Variants in SLC5A8 observed in about 807,000 individuals in gnomAD.
SLC5A8 encodes sodium-coupled monocarboxylate transporter 1.
Under a neutral mutation model 71.9 loss-of-function variants are expected in SLC5A8, and 55 were observed. The ratio of observed to expected loss-of-function variants is 0.77; its 90% CI spans 0.62 to 0.96. The LOEUF is 0.96. Ranked by LOEUF, SLC5A8 falls within the 40% of genes least tolerant of loss-of-function variation. The pLI, the probability that SLC5A8 is intolerant of heterozygous loss-of-function variation, is 0.00. For synonymous variants in SLC5A8, 307 were observed against 276.1 expected (o/e 1.11, Z -1.11); for missense variants, 701 against 745.3 (o/e 0.94, Z 0.69).
At chr12:101,158,598 C>CTATA (rs139268658) in intron 13 of SLC5A8, among the ~76,000 whole-genome samples, 234 of 21,076 alleles carry the variant, frequency 0.011, 5 homozygotes, top group South Asian at 0.023. Flanking sequence ...CTCTCTCTCT[C>CTATA]TATATATATA....
intron 1 of SLC5A8, among the ~76,000 whole-genome samples, chr12:101,206,095 G>A (rs1869667722): frequency 6.6e-6 from 1 of 152,114 alleles, no homozygotes; most frequent in Admixed American, 6.5e-5. Context: ...CATTTTGCAG[G>A]GTTTGGAGAC....
At chr12:101,196,657 T>C (rs182961047) in intron 3 of SLC5A8, among the ~76,000 whole-genome samples, 164 of 152,276 alleles carry the variant, frequency 1.1e-3, no homozygotes, top group Non-Finnish European at 1.7e-3. Context: ...TCACAAAATA[T>C]TTAACACAGT....
At chr12:101,194,852 G>A (rs978539360) in intron 4 of SLC5A8, among the ~76,000 whole-genome samples, 20 of 152,078 alleles carry the variant, frequency 1.3e-4, no homozygotes, top group African/African-American at 4.6e-4. Context: ...GATGAATCAA[G>A]AGACAAGATT....
intron 3 of SLC5A8, among the ~76,000 whole-genome samples, chr12:101,201,956 T>G (rs1869471463): frequency 6.6e-6 from 1 of 152,188 alleles, no homozygotes; most frequent in African/African-American, 2.4e-5. Flanking sequence ...GAAGTCCACC[T>G]CTGTGGTCTA....
chr12:101,181,885 T>G (rs1332341431), intron 9 of SLC5A8, among the ~76,000 whole-genome samples: 1 of 152,188 alleles, frequency 6.6e-6, no homozygotes, highest in Non-Finnish European at 1.5e-5. Context: ...CAGGCTACAG[T>G]TGTGGCAATT....
In SLC5A8 at chr12:101,166,521, C is replaced by G. The variant is rs1172291343; in HGVS notation, c.1499G>C (p.Ser500Thr). 1 of 1,613,496 alleles carries G rather than the reference C, an allele frequency of 6.2e-7. No individual in the cohort carries two copies. Among genetic ancestry groups the G allele is most frequent in the Non-Finnish European group, 8.5e-7 (1 of 1,179,826 alleles). Reference sequence around the variant, plus strand: ...TTGAACATTGTATATTTGAAAAACACTAGTAGTAAATGGCATTTCTGTGGT... The same window carrying G: ...TTGAACATTGTATATTTGAAAAACAGTAGTAGTAAATGGCATTTCTGTGGT... ...MTTTEMPFTT[S>T]VFQIYNVQRT... Residue 500 changes from serine to threonine, a missense_variant, in exon 12 of 15, where the codon AGT becomes ACT. Coordinates refer to ENST00000536262, the MANE Select transcript of SLC5A8 (RefSeq NM_145913.5).
At chr12:101,177,018 A>G (rs2051885429) in intron 10 of SLC5A8, among the ~76,000 whole-genome samples, 1 of 152,114 alleles carries the variant, frequency 6.6e-6, no homozygotes, top group Non-Finnish European at 1.5e-5. Context: ...GAAATTGACA[A>G]ACCTGTAGCA....
intron 8 of SLC5A8, 46 bp from the exon 9 acceptor site, chr12:101,182,961 A>G: frequency 1.8e-6 from 2 of 1,090,634 alleles, no homozygotes; most frequent in Non-Finnish European, 2.6e-6. Flanking sequence ...TTTACCTTTA[A>G]TAATACTTTA....
Position 101,185,574 on chromosome 12 carries a change from T to C in SLC5A8, c.964-1352A>G, listed in dbSNP as rs1868597732. Among the ~76,000 whole-genome samples the C allele has an allele frequency of 1.3e-5, 2 of 152,050 alleles. 1 individual carries two copies. Among genetic ancestry groups the C allele is most frequent in the South Asian group, 4.1e-4 (2 of 4,830 alleles). On this transcript the variant is annotated intron_variant, in intron 7 of 14. Coordinates refer to ENST00000536262, the MANE Select transcript of SLC5A8 (RefSeq NM_145913.5). ...TGCTCTCTTGAGGATAAGGGGTTTT[T>C]TTGTATTTTTTGTTTGTTTGTTTTA... is the stretch of plus-strand genomic sequence containing the variant.
Position 101,155,577 on chromosome 12 carries a change from C to G in SLC5A8, c.*1702G>C, listed in dbSNP as rs1038630136. 4 of 143,400 alleles carry G rather than the reference C, an allele frequency of 2.8e-5. No homozygotes were observed. Among genetic ancestry groups the G allele is most frequent in the African/African-American group, 1.0e-4 (4 of 38,110 alleles). The allele number at this position is 143,400 out of a possible 1,614,324, so 8.9% of individuals were successfully genotyped here. A position where few individuals can be genotyped will look rare whatever the true frequency, so the allele number is the denominator to read the frequency against. On this transcript the variant is annotated 3_prime_UTR_variant, in exon 15 of 15. Coordinates refer to ENST00000536262, the MANE Select transcript of SLC5A8 (RefSeq NM_145913.5). Reference sequence around the variant, plus strand: ...TCATAGCTCAATGCAGCCTTGAAATCCTGGGCTTAAGCTATCCTCCCACCT... The same window carrying G: ...TCATAGCTCAATGCAGCCTTGAAATGCTGGGCTTAAGCTATCCTCCCACCT...
At chr12:101,186,488 A>G (rs1868651454) in intron 7 of SLC5A8, among the ~76,000 whole-genome samples, 1 of 152,198 alleles carries the variant, frequency 6.6e-6, no homozygotes, top group South Asian at 2.1e-4. Flanking sequence ...AATTTTGGCA[A>G]GAACTCAGGC....
intron 9 of SLC5A8, 106 bp from the exon 10 acceptor site, chr12:101,180,202 T>C: frequency 8.9e-7 from 1 of 1,118,324 alleles, no homozygotes; most frequent in South Asian, 1.2e-5. Flanking sequence ...AATATGACTG[T>C]GGTGAAGAAT....
At chr12:101,182,746 G>A (rs1868423957) in intron 9 of SLC5A8, 57 bp downstream of exon 9, 10 of 1,257,534 alleles carry the variant, frequency 8.0e-6, no homozygotes, top group Non-Finnish European at 1.1e-5. Context: ...AGAAATTTTT[G>A]TGTCTCAAAA....
At chr12:101,168,039 G>C in intron 11 of SLC5A8, 57 bp downstream of exon 11, 1 of 1,469,052 alleles carries the variant, frequency 6.8e-7, no homozygotes, top group Non-Finnish European at 9.3e-7. Context: ...AAAAAGTGTA[G>C]AGCTGCTAGT....
In SLC5A8 at chr12:101,198,714, TA is replaced by T. The variant is rs573585319; in HGVS notation, c.469+3449del. Among the ~76,000 whole-genome samples the T allele has an allele frequency of 3.6e-3, 547 of 151,970 alleles. 6 individuals are homozygous for T. Among genetic ancestry groups the T allele is most frequent in the African/African-American group, 0.012 (515 of 41,526 alleles). On this transcript the variant is annotated intron_variant, in intron 3 of 14. Coordinates refer to ENST00000536262, the MANE Select transcript of SLC5A8 (RefSeq NM_145913.5). ...TGATTTCTACCAAGCATGTAAGAAATAAATACACAATTTTATATAAACTATT... is the reference window on the plus strand; with the variant it reads ...TGATTTCTACCAAGCATGTAAGAAATAATACACAATTTTATATAAACTATT...
At chr12:101,195,186 A>G in intron 3 of SLC5A8, 24 bp from the exon 4 acceptor site, 1 of 1,611,354 alleles carries the variant, frequency 6.2e-7, no homozygotes, top group East Asian at 2.2e-5. Flanking sequence ...TAGAATGCAT[A>G]TATAATTGTG....
rs548387327 is a variant in SLC5A8 at position 101,209,676 on chromosome 12, G to A, written c.173C>T (p.Ala58Val). 3 of 1,613,690 alleles carry A rather than the reference G, an allele frequency of 1.9e-6. No individual in the cohort carries two copies. Among genetic ancestry groups the A allele is most frequent in the Non-Finnish European group, 2.5e-6 (3 of 1,180,042 alleles). ...GGRRMTAVPV[A>V]LSLTASFMSA... ...CATGAAGCTAGCGGTGAGGGACAGCGCCACGGGCACTGCGGTCATTCTGCG... is the reference window on the plus strand; with the variant it reads ...CATGAAGCTAGCGGTGAGGGACAGCACCACGGGCACTGCGGTCATTCTGCG... Residue 58 changes from alanine to valine, a missense_variant, in exon 1 of 15, where the codon GCG (alanine) becomes GTG (valine). Ala to Val is a moderately conservative substitution (Grantham distance 64). Coordinates refer to ENST00000536262, the MANE Select transcript of SLC5A8 (RefSeq NM_145913.5).
chr12:101,187,766 G>A (rs527753069), intron 6 of SLC5A8, among the ~76,000 whole-genome samples: 4 of 151,852 alleles, frequency 2.6e-5, no homozygotes, highest in African/African-American at 7.3e-5. Context: ...GCTCGTGGTC[G>A]GAGCTCCAGG....
chr12:101,197,848 C>G (rs906438631), intron 3 of SLC5A8, among the ~76,000 whole-genome samples: 1 of 151,990 alleles, frequency 6.6e-6, no homozygotes, highest in Non-Finnish European at 1.5e-5. Context: ...AACCTTTGAC[C>G]TTATAGAACA....
Sources: allele counts gnomAD v4.1 joint callset (sites outside exome capture counted in the v4.1 genomes callset), GRCh38; gene constraint gnomAD v4.1.1; transcripts MANE v1.5; gene names NCBI Gene and HGNC (gene_info 2026-07-23, HGNC 2026-07-21).